The following PCDHA7 variants were observed in gnomAD, a reference collection of about 807,000 sequenced individuals.
PCDHA7 encodes the protein protocadherin alpha 7.
PCDHA7 carries 37 observed loss-of-function variants against 57.2 expected under a neutral mutation model. The ratio of observed to expected loss-of-function variants is 0.65; its 90% CI spans 0.50 to 0.85. The LOEUF (loss-of-function observed/expected upper bound fraction) is 0.85, where lower values mean the gene tolerates loss of function less well. PCDHA7 is among the 40% of genes least tolerant of loss of function. The pLI is 0.00. For synonymous variants in PCDHA7, 553 were observed against 558.8 expected (o/e 0.99, Z 0.15); for missense variants, 1,188 against 1,241.8 (o/e 0.96, Z 0.65).
At chr5:140,962,431 A>G (rs782205198) in intron 1 of PCDHA7, among the ~76,000 whole-genome samples, 2 of 152,126 alleles carry the variant, frequency 1.3e-5, no homozygotes, top group Non-Finnish European at 2.9e-5. Flanking sequence ...ATTGTTACTT[A>G]TCCAAAGATG....
chr5:140,923,110 A>G (rs2081174881), intron 1 of PCDHA7, among the ~76,000 whole-genome samples: 1 of 152,184 alleles, frequency 6.6e-6, no homozygotes, highest in South Asian at 2.1e-4. Flanking sequence ...TATGATTTTA[A>G]GTTTTTAGGG....
chr5:140,872,919 A>G (rs1554166439), intron 1 of PCDHA7, among the ~76,000 whole-genome samples: 1 of 152,176 alleles, frequency 6.6e-6, no homozygotes, highest in Non-Finnish European at 1.5e-5. Flanking sequence ...GTAATGCCTT[A>G]TCTCTAATGT....
Position 140,836,319 on chromosome 5 carries a change from C to A in PCDHA7, c.1936C>A (p.Arg646Ser), listed in dbSNP as rs2150257608. ...AGATGAGACGGACGCACCGCGCCAC[C>A]GCCTTCTGGTGCTTGTGAAGGACCA... ...ALDETDAPRH[R>S]LLVLVKDHGE... is the part of the protein sequence containing the mutation. The change falls in exon 1 of 4, where the codon CGC becomes AGC. Residue 646 changes from arginine to serine, a missense_variant. Coordinates refer to ENST00000525929, the MANE Select transcript of PCDHA7 (RefSeq NM_018910.3). 3.7e-6 allele frequency: 6 copies of A among 1,613,720 alleles called. No homozygotes were observed. The South Asian group carries it at 4.4e-5, about 12-fold the overall frequency.
rs2098416049 is a variant in PCDHA7, at chr5:141,010,101, T to G, written c.*164T>G. The G allele has an allele frequency of 6.2e-6, 10 of 1,612,488 alleles. No homozygotes were observed. Among genetic ancestry groups the G allele is most frequent in the Non-Finnish European group, 8.5e-6 (10 of 1,179,154 alleles). ...GTCTGTCTAGAACGCATTTAACAGG[T>G]TTTGTCGTAAAAGCTTTACTAAGTC... On this transcript the variant is annotated 3_prime_UTR_variant, in exon 4 of 4. Transcript: ENST00000525929.
At position 140,835,924 on chromosome 5, in the gene PCDHA7, GC is replaced by G. The variant is rs1243160712; in HGVS notation, c.1542del (p.Ser514ArgfsTer22). On this transcript the variant is annotated frameshift_variant, in exon 1 of 4. Transcript: ENST00000525929. LOFTEE classifies it high-confidence loss of function. ...AGCTACGTGTCAGTGCACGCGGAGAGCGGCAAGGTGTACGCGCTGCAGCCGT... is the reference window on the plus strand; with the variant it reads ...AGCTACGTGTCAGTGCACGCGGAGAGGGCAAGGTGTACGCGCTGCAGCCGT... ...LSSYVSVHAE[S>X]GKVYALQPLD... 1.2e-6 allele frequency: 2 copies of G among 1,612,294 alleles called. No individual in the cohort carries two copies. Among genetic ancestry groups the G allele is most frequent in the Non-Finnish European group, 1.7e-6 (2 of 1,179,664 alleles).
intron 1 of PCDHA7, chr5:140,966,646 G>T (rs2096032297): frequency 4.4e-6 from 5 of 1,139,570 alleles, no homozygotes; most frequent in Non-Finnish European, 4.6e-6. Flanking sequence ...TTTCTAGAGC[G>T]TGAGCGGTGG....
At chr5:140,876,209 G>A in intron 1 of PCDHA7, 1 of 1,613,924 alleles carries the variant, frequency 6.2e-7, no homozygotes. Flanking sequence ...GATAAGCCCA[G>A]CTATAAAGTA....
intron 1 of PCDHA7, chr5:140,926,610 C>A (rs2083401767): frequency 8.5e-6 from 3 of 352,484 alleles, no homozygotes; most frequent in African/African-American, 2.1e-5. Context: ...CTCGTCTCTG[C>A]ACCCCTAGGC....
At position 140,893,180 on chromosome 5, in the gene PCDHA7, C is replaced by T. The variant is rs1388898676; in HGVS notation, c.2355+56442C>T. Among the ~76,000 whole-genome samples, 3 of 152,208 alleles carry T rather than the reference C, an allele frequency of 2.0e-5. No individual in the cohort carries two copies. In the South Asian group the frequency reaches 6.2e-4, roughly 31 times the overall value. On this transcript the variant is annotated intron_variant, in intron 1 of 3. Coordinates refer to ENST00000525929, the MANE Select transcript of PCDHA7 (RefSeq NM_018910.3). ...TATTGAGGTTGATTCCACATAGTAGCTATTGTGAATAGTGCTGCAGTAAGT... is the reference window on the plus strand; with the variant it reads ...TATTGAGGTTGATTCCACATAGTAGTTATTGTGAATAGTGCTGCAGTAAGT...
chr5:140,898,456 C>G (rs1333861280), intron 1 of PCDHA7, among the ~76,000 whole-genome samples: 2 of 152,134 alleles, frequency 1.3e-5, no homozygotes, highest in African/African-American at 2.4e-5. Flanking sequence ...AATCCTTTCC[C>G]CATTGCTTGT....
intron 1 of PCDHA7, chr5:140,869,354 T>C (rs782282863): frequency 6.2e-7 from 1 of 1,614,116 alleles, no homozygotes; most frequent in Non-Finnish European, 8.5e-7. Context: ...AATGGCATTT[T>C]GTTTGTGAAT....
chr5:140,877,138 C>T (rs2056878695), intron 1 of PCDHA7: 2 of 1,613,636 alleles, frequency 1.2e-6, no homozygotes, highest in Non-Finnish European at 1.7e-6. Flanking sequence ...GGTGTTCGTG[C>T]TGGACGAGAA....
At chr5:140,841,520 G>T (rs1777298038) in intron 1 of PCDHA7, 2 of 1,613,470 alleles carry the variant, frequency 1.2e-6, no homozygotes, top group East Asian at 2.2e-5. Flanking sequence ...GTTCCGGGTG[G>T]CGTCCAAAAG....
chr5:140,852,779 T>C, intron 1 of PCDHA7: 1 of 979,786 alleles, frequency 1.0e-6, no homozygotes, highest in South Asian at 4.8e-5. Flanking sequence ...TTGATGTGAA[T>C]AGAGGGATGC....
chr5:140,869,697 G>T (rs552852780), intron 1 of PCDHA7: 1 of 1,613,410 alleles, frequency 6.2e-7, no homozygotes, highest in Admixed American at 1.7e-5. Flanking sequence ...TTTTAAAGAA[G>T]TCTCTGGATA....
intron 1 of PCDHA7, chr5:140,926,299 C>G (rs547710989): frequency 3.9e-5 from 6 of 152,464 alleles, no homozygotes; most frequent in Admixed American, 3.9e-4. Context: ...GAGTCCCGCC[C>G]TCTCCGCCGG....
intron 1 of PCDHA7, among the ~76,000 whole-genome samples, chr5:140,930,783 A>G (rs1211509868): frequency 6.6e-6 from 1 of 152,246 alleles, no homozygotes; most frequent in Non-Finnish European, 1.5e-5. Context: ...TATTTTCACA[A>G]TATAATAGAA....
rs2150380022 is a variant in PCDHA7, at chr5:140,845,577, T to A, written c.2355+8839T>A. 1.2e-4 allele frequency among the ~76,000 whole-genome samples: 18 copies of A among 149,706 alleles called. 1 individual carries two copies. The highest frequency in any genetic ancestry group is 6.9e-3 in the Middle Eastern group (2 of 290). On this transcript the variant is annotated intron_variant, in intron 1 of 3. Transcript: ENST00000525929. The stretch of plus-strand genomic sequence containing the variant: ...TTTTAGCTATTAAGAATTTCTGGGA[T>A]TGAAATGTGTCAGAAGTTAGTTATT...
rs1038140347 is a variant in PCDHA7 at position 140,928,220 on chromosome 5, C to T, written c.2356-50729C>T. On this transcript the variant is annotated intron_variant, in intron 1 of 3. Transcript: ENST00000525929. ...GTTGCTGATGTGAATGACAATACAC[C>T]AAACTTTCCTCAACCCCAGCAGGAA... The T allele has an allele frequency of 2.5e-6, 4 of 1,614,048 alleles. No individual in the cohort carries two copies. The Admixed American group carries it at 5.0e-5, about 20-fold the overall frequency.
Sources: allele counts gnomAD v4.1 joint callset (sites outside exome capture counted in the v4.1 genomes callset), GRCh38; gene constraint gnomAD v4.1.1; transcripts MANE v1.5; gene names NCBI Gene and HGNC (gene_info 2026-07-23, HGNC 2026-07-21).